BMP6: variants seen among roughly 807,000 people sequenced by gnomAD.
The protein encoded by BMP6 is bone morphogenetic protein 6, also known as VG-1-R.
BMP6 carries 17 observed loss-of-function variants against 54.1 expected under a neutral mutation model. That is an observed-to-expected ratio of 0.31 (90% CI 0.22 to 0.47). BMP6 has a LOEUF of 0.47. BMP6 is among the 20% of genes least tolerant of loss of function. The pLI is 1.00. For synonymous variants in BMP6, 328 were observed against 291.2 expected (o/e 1.13, Z -1.28); for missense variants, 720 against 690.4 (o/e 1.04, Z -0.48).
chr6:7,778,133 G>A (rs1180209672), intron 1 of BMP6, among the ~76,000 whole-genome samples: 1 of 152,190 alleles, frequency 6.6e-6, no homozygotes, highest in Non-Finnish European at 1.5e-5. Context: ...TCAGAGCACA[G>A]TAGGAAACTT....
rs1462025998 is a variant in BMP6 at position 7,881,577 on chromosome 6, TTTGA to T, written c.*1237_*1240del. ...AGTGTAAACAAACAAATTGTACCAC[TTTGA>T]TTTTCTTGGAATACAAGACTCGTGA... On this transcript the variant is annotated 3_prime_UTR_variant, in exon 7 of 7. Coordinates refer to ENST00000283147, the MANE Select transcript of BMP6 (RefSeq NM_001718.6). The T allele has an allele frequency of 1.3e-5, 2 of 152,284 alleles. No individual in the cohort carries two copies. The highest frequency in any genetic ancestry group is 1.9e-4 in the East Asian group (1 of 5,202). 9.4% of individuals were successfully genotyped at this position (152,284 alleles called of 1,614,324 possible).
chr6:7,856,865 G>A (rs1171388076), intron 2 of BMP6, among the ~76,000 whole-genome samples: 1 of 151,860 alleles, frequency 6.6e-6, no homozygotes, highest in African/African-American at 2.4e-5. Context: ...CAAAGTGCTG[G>A]GATTACAGGC....
intron 1 of BMP6, among the ~76,000 whole-genome samples, chr6:7,758,386 C>G (rs939228648): frequency 6.6e-6 from 1 of 152,130 alleles, no homozygotes; most frequent in Non-Finnish European, 1.5e-5. Flanking sequence ...GGAATAGATT[C>G]AGTGAGTTTT....
chr6:7,819,554 A>G (rs148490536), intron 1 of BMP6, among the ~76,000 whole-genome samples: 26 of 152,280 alleles, frequency 1.7e-4, no homozygotes, highest in African/African-American at 6.3e-4. Context: ...AGAAAGGAAG[A>G]AAGGGAAGGG....
Position 7,768,080 on chromosome 6 carries a change from C to T in BMP6, c.664+40461C>T, listed in dbSNP as rs78771396. On this transcript the variant is annotated intron_variant, in intron 1 of 6. Transcript: ENST00000283147. ...CCTTCTCTTCCTGGGGAGGCAAGAG[C>T]GGGCAGGAAGTGCGCATGTCCCTTC... 2.9e-3 allele frequency among the ~76,000 whole-genome samples: 440 copies of T among 152,152 alleles called. 2 individuals carry two copies. The highest frequency in any genetic ancestry group is 9.8e-3 in the African/African-American group (409 of 41,526).
chr6:7,827,428 AT>A (rs1758714612), intron 1 of BMP6, among the ~76,000 whole-genome samples: 1 of 152,240 alleles, frequency 6.6e-6, no homozygotes, highest in Non-Finnish European at 1.5e-5. Flanking sequence ...AATGTTTTGA[AT>A]TAGAGGAGGG....
intron 2 of BMP6, among the ~76,000 whole-genome samples, chr6:7,855,908 G>A (rs956347200): frequency 6.6e-6 from 1 of 151,928 alleles, no homozygotes; most frequent in East Asian, 1.9e-4. Flanking sequence ...TACGGTTGTT[G>A]TGAGGCATTA....
chr6:7,804,559 A>T (rs756523980), intron 1 of BMP6, among the ~76,000 whole-genome samples: 13 of 152,170 alleles, frequency 8.5e-5, no homozygotes, highest in Admixed American at 5.9e-4. Flanking sequence ...ATGGGGATGA[A>T]GATTTTAGAA....
At chr6:7,808,540 A>G (rs980597539) in intron 1 of BMP6, among the ~76,000 whole-genome samples, 1 of 152,176 alleles carries the variant, frequency 6.6e-6, no homozygotes, top group African/African-American at 2.4e-5. Context: ...GGGAAGTCTA[A>G]AGAAGATTTG....
At chr6:7,845,947 G>C (rs1304860392) in intron 2 of BMP6, among the ~76,000 whole-genome samples, 1 of 152,182 alleles carries the variant, frequency 6.6e-6, no homozygotes, top group East Asian at 1.9e-4. Context: ...AAACTTCCAT[G>C]GAACAATTGC....
chr6:7,825,187 G>C (rs1474852514), intron 1 of BMP6, among the ~76,000 whole-genome samples: 2 of 150,970 alleles, frequency 1.3e-5, no homozygotes, highest in African/African-American at 4.9e-5. Context: ...GGGTATGGTG[G>C]CACACACCTC....
intron 1 of BMP6, among the ~76,000 whole-genome samples, chr6:7,821,623 C>T (rs1758612879): frequency 6.6e-6 from 1 of 151,900 alleles, no homozygotes; most frequent in African/African-American, 2.4e-5. Flanking sequence ...GTTCTGCCCT[C>T]ATCAATCACA....
At chr6:7,817,294 G>C (rs555093241) in intron 1 of BMP6, among the ~76,000 whole-genome samples, 1 of 152,166 alleles carries the variant, frequency 6.6e-6, no homozygotes, top group Non-Finnish European at 1.5e-5. Context: ...ATGCTTATGT[G>C]GAGGTGGTGC....
chr6:7,769,964 A>G (rs1757758624), intron 1 of BMP6, among the ~76,000 whole-genome samples: 1 of 152,194 alleles, frequency 6.6e-6, no homozygotes, highest in South Asian at 2.1e-4. Context: ...GTCATCATAT[A>G]TAATTATTTT....
chr6:7,854,776 CAAG>C (rs1198126652), intron 2 of BMP6, among the ~76,000 whole-genome samples: 1 of 152,180 alleles, frequency 6.6e-6, no homozygotes, highest in Non-Finnish European at 1.5e-5. Flanking sequence ...GGTGACAGAG[CAAG>C]ACTCTCTCTC....
At chr6:7,776,679 C>T (rs967557183) in intron 1 of BMP6, among the ~76,000 whole-genome samples, 5 of 152,196 alleles carry the variant, frequency 3.3e-5, no homozygotes, top group Admixed American at 6.5e-5. Context: ...GAGACAGGGT[C>T]TTGCTCTATC....
chr6:7,813,240 AT>A (rs1758467145), intron 1 of BMP6, among the ~76,000 whole-genome samples: 1 of 137,010 alleles, frequency 7.3e-6, no homozygotes, highest in Non-Finnish European at 1.5e-5. Context: ...TTTCTCATTT[AT>A]TTTTATGATG....
At chr6:7,809,015 C>CA (rs756906394) in intron 1 of BMP6, among the ~76,000 whole-genome samples, 1 of 150,412 alleles carries the variant, frequency 6.6e-6, no homozygotes, top group Non-Finnish European at 1.5e-5. Context: ...ATCCTGAGCA[C>CA]ATGTGATCAT....
intron 1 of BMP6, among the ~76,000 whole-genome samples, chr6:7,738,146 T>G (rs561647985): frequency 6.6e-6 from 1 of 152,328 alleles, no homozygotes; most frequent in South Asian, 2.1e-4. Flanking sequence ...TTCCTCTCTT[T>G]GAGGTTTACA....
Sources: allele counts gnomAD v4.1 joint callset (sites outside exome capture counted in the v4.1 genomes callset), GRCh38; gene constraint gnomAD v4.1.1; transcripts MANE v1.5; gene names NCBI Gene and HGNC (gene_info 2026-07-23, HGNC 2026-07-21).